The following BMPER variants were observed in gnomAD, a reference collection of about 807,000 sequenced individuals.
BMPER encodes the protein BMP binding endothelial regulator, also known as BMP-binding endothelial regulator protein.
Under a neutral mutation model 87.3 loss-of-function variants are expected in BMPER, and 45 were observed. That is an observed-to-expected ratio of 0.52 (90% CI 0.41 to 0.66). The LOEUF is 0.66. Ranked by LOEUF, BMPER falls within the 30% of genes least tolerant of loss-of-function variation. BMPER has a pLI of 0.00. For synonymous variants in BMPER, 326 were observed against 316.2 expected, an observed-to-expected ratio of 1.03 and a Z score of -0.33; for missense variants, 784 against 867.5, an observed-to-expected ratio of 0.90 and a Z score of 1.21.
intron 2 of BMPER, among the ~76,000 whole-genome samples, chr7:33,915,186 T>G (rs1300723957): frequency 6.6e-6 from 1 of 152,174 alleles, no homozygotes; most frequent in Non-Finnish European, 1.5e-5. Context: ...CAAAACTAAT[T>G]TCACGGATAA....
At position 34,113,023 on chromosome 7, in the gene BMPER, A is replaced by C. The variant is rs140873420; in HGVS notation, c.1745+26931A>C. On this transcript the variant is annotated intron_variant, in intron 13 of 14. Coordinates refer to ENST00000649409, the MANE Select transcript of BMPER (RefSeq NM_001365308.1). ...ATGCACATTTTAAGAGACTATATAT[A>C]TAAAAAATACAAAATATAAATATAT... Among the ~76,000 whole-genome samples the C allele has an allele frequency of 4.8e-3, 721 of 151,564 alleles. 4 individuals carry two copies. Among genetic ancestry groups the C allele is most frequent in the African/African-American group, 0.016 (646 of 41,482 alleles).
At chr7:34,144,305 A>G (rs773944684) in intron 14 of BMPER, among the ~76,000 whole-genome samples, 21 of 151,814 alleles carry the variant, frequency 1.4e-4, no homozygotes, top group Non-Finnish European at 2.6e-4. Flanking sequence ...CGCAAGAGGA[A>G]GGTGGAGTAG....
chr7:34,062,226 A>G (rs983443870), intron 11 of BMPER, among the ~76,000 whole-genome samples, 179 bp downstream of exon 11: 7 of 152,326 alleles, frequency 4.6e-5, no homozygotes, highest in South Asian at 2.1e-4. Context: ...CAGAAGTACA[A>G]TGGAGACAAA....
intron 3 of BMPER, 90 bp downstream of exon 3, chr7:33,937,478 T>C (rs888216062): frequency 8.1e-6 from 11 of 1,351,604 alleles, no homozygotes; most frequent in South Asian, 1.2e-5. Context: ...ACTCAGCTTT[T>C]GGCTGGGGTG....
At chr7:34,146,754 G>A (rs866829895) in intron 14 of BMPER, among the ~76,000 whole-genome samples, 7 of 152,064 alleles carry the variant, frequency 4.6e-5, no homozygotes, top group African/African-American at 1.4e-4. Flanking sequence ...TCATTGCCCC[G>A]TCCTTAATCA....
At chr7:34,119,037 C>T (rs1235842911) in intron 13 of BMPER, among the ~76,000 whole-genome samples, 1 of 151,450 alleles carries the variant, frequency 6.6e-6, no homozygotes, top group Non-Finnish European at 1.5e-5. Flanking sequence ...CACACACACA[C>T]GCACTCGATA....
chr7:33,966,120 T>C (rs1374471308), intron 3 of BMPER, among the ~76,000 whole-genome samples: 1 of 152,222 alleles, frequency 6.6e-6, no homozygotes, highest in Non-Finnish European at 1.5e-5. Flanking sequence ...TTTAATCTCA[T>C]GTAAGATCCC....
intron 2 of BMPER, among the ~76,000 whole-genome samples, chr7:33,922,204 T>G (rs991212928): frequency 1.1e-4 from 17 of 152,282 alleles, no homozygotes; most frequent in African/African-American, 3.9e-4. Flanking sequence ...TTAAACTTAT[T>G]TTTTTTGAAT....
At chr7:34,144,127 A>C (rs927342275) in intron 14 of BMPER, among the ~76,000 whole-genome samples, 1 of 152,188 alleles carries the variant, frequency 6.6e-6, no homozygotes, top group East Asian at 1.9e-4. Flanking sequence ...GCTTCTCTAC[A>C]GATGATATTT....
chr7:34,022,525 T>A (rs956032003), intron 6 of BMPER, among the ~76,000 whole-genome samples: 1 of 151,974 alleles, frequency 6.6e-6, no homozygotes, highest in South Asian at 2.1e-4. Context: ...AAACTTCAAC[T>A]CAGTATTTAA....
At chr7:34,093,593 A>G (rs375235953) in intron 13 of BMPER, among the ~76,000 whole-genome samples, 1 of 152,204 alleles carries the variant, frequency 6.6e-6, no homozygotes, top group African/African-American at 2.4e-5. Flanking sequence ...TCTTTGGGCA[A>G]GGTTAATTCT....
chr7:34,127,293 C>T (rs1390631609), intron 13 of BMPER, among the ~76,000 whole-genome samples: 1 of 152,178 alleles, frequency 6.6e-6, no homozygotes. Flanking sequence ...CACTCTGGCT[C>T]AACCCTGTCT....
Position 33,920,336 on chromosome 7 carries a change from A to G in BMPER, c.219+13433A>G, listed in dbSNP as rs1784190391. 2.6e-5 allele frequency among the ~76,000 whole-genome samples: 4 copies of G among 151,694 alleles called. No individual in the cohort carries two copies. In the South Asian group the frequency reaches 8.3e-4, roughly 32 times the overall value. On this transcript the variant is annotated intron_variant, in intron 2 of 14. Coordinates refer to ENST00000649409, the MANE Select transcript of BMPER (RefSeq NM_001365308.1). ...AAGAACCACCAGGGAAGGCTAAAAAATGCAGATTTCCTGTGTCCTGGTCCA... is the reference window on the plus strand; with the variant it reads ...AAGAACCACCAGGGAAGGCTAAAAAGTGCAGATTTCCTGTGTCCTGGTCCA...
At chr7:34,033,582 A>C (rs1303296576) in intron 6 of BMPER, among the ~76,000 whole-genome samples, 1 of 152,226 alleles carries the variant, frequency 6.6e-6, no homozygotes, top group Admixed American at 6.5e-5. Context: ...TGGTAGAATA[A>C]AATGATGATC....
intron 13 of BMPER, among the ~76,000 whole-genome samples, chr7:34,126,751 G>A (rs1007093298): frequency 8.8e-4 from 134 of 151,856 alleles, no homozygotes; most frequent in African/African-American, 3.1e-3. Flanking sequence ...TAAATTTCTT[G>A]TTCCACATAA....
chr7:34,083,550 A>G (rs1789111357), intron 12 of BMPER, among the ~76,000 whole-genome samples: 1 of 152,098 alleles, frequency 6.6e-6, no homozygotes, highest in South Asian at 2.1e-4. Flanking sequence ...TTCTTGAGAA[A>G]CCCAGTTTTA....
At position 34,058,134 on chromosome 7, in the gene BMPER, C is replaced by A. The variant is rs886062297; in HGVS notation, c.1003C>A (p.Gln335Lys). The A allele has an allele frequency of 9.3e-6, 15 of 1,613,996 alleles. No homozygotes were observed. The highest frequency in any genetic ancestry group is 1.3e-5 in the Non-Finnish European group (15 of 1,179,972). Reference sequence around the variant, plus strand: ...AGGCAGGACGGAGTGTCGCAATAAGCAGTGCATTCCCATCAGTAGCTGCCC... The same window carrying A: ...AGGCAGGACGGAGTGTCGCAATAAGAAGTGCATTCCCATCAGTAGCTGCCC... ...VKGRTECRNKQCIPISSCPQG... is the reference protein window; with the variant it reads ...VKGRTECRNKKCIPISSCPQG... Residue 335 changes from glutamine (Q) to lysine (K), a missense_variant, in exon 10 of 15, where the codon CAG becomes AAG. Physicochemically the swap from Gln to Lys is moderately conservative, Grantham distance 53. Coordinates refer to ENST00000649409, the MANE Select transcript of BMPER (RefSeq NM_001365308.1).
intron 6 of BMPER, among the ~76,000 whole-genome samples, chr7:33,985,117 G>A (rs1346345454): frequency 6.6e-6 from 1 of 152,118 alleles, no homozygotes; most frequent in Non-Finnish European, 1.5e-5. Flanking sequence ...CCATAATGCA[G>A]CCTTTCTTGT....
At chr7:33,995,004 A>C (rs1203495996) in intron 6 of BMPER, among the ~76,000 whole-genome samples, 1 of 152,228 alleles carries the variant, frequency 6.6e-6, no homozygotes, top group African/African-American at 2.4e-5. Context: ...GGTCACTGAT[A>C]CATTTTAAAA....
Sources: allele counts gnomAD v4.1 joint callset (sites outside exome capture counted in the v4.1 genomes callset), GRCh38; gene constraint gnomAD v4.1.1; transcripts MANE v1.5; gene names NCBI Gene and HGNC (gene_info 2026-07-23, HGNC 2026-07-21).